STRBP: variants seen among roughly 807,000 people sequenced by gnomAD.
The protein encoded by STRBP is spermatid perinuclear RNA binding protein.
Under a neutral mutation model 80.1 loss-of-function variants are expected in STRBP, and 13 were observed. That is an observed-to-expected ratio of 0.16 (90% confidence interval 0.11 to 0.26). STRBP has a LOEUF of 0.26. Among genes scored for constraint, STRBP ranks in the 10% least tolerant of loss-of-function variants. The pLI, the probability that STRBP is intolerant of heterozygous loss-of-function variation, is 1.00. For synonymous variants in STRBP, 284 were observed against 291.2 expected (o/e 0.98, Z 0.25); for missense variants, 485 against 815.2 (o/e 0.59, Z 4.93).
At chr9:123,217,990 G>A (rs1335087602) in intron 2 of STRBP, among the ~76,000 whole-genome samples, 1 of 152,154 alleles carries the variant, frequency 6.6e-6, no homozygotes, top group Non-Finnish European at 1.5e-5. Context: ...TACGGTGGAA[G>A]CTTAGTTAGC....
intron 2 of STRBP, among the ~76,000 whole-genome samples, chr9:123,211,054 A>C (rs2039691005): frequency 6.6e-6 from 1 of 152,214 alleles, no homozygotes; most frequent in Non-Finnish European, 1.5e-5. Context: ...CACTAAGAGA[A>C]ACTCACACAT....
chr9:123,181,972 T>C (rs2038484614), intron 3 of STRBP, among the ~76,000 whole-genome samples: 2 of 151,752 alleles, frequency 1.3e-5, no homozygotes, highest in Admixed American at 1.3e-4. Flanking sequence ...TCCCAACACT[T>C]TGGCTCACGA....
rs2035796024 is a variant in STRBP at position 123,123,527 on chromosome 9, A to G, written c.*2070T>C. 2.1e-5 allele frequency: 18 copies of G among 854,938 alleles called. No individual in the cohort carries two copies. In the South Asian group the frequency reaches 3.6e-4, roughly 17 times the overall value. 53.0% of individuals were successfully genotyped at this position (854,938 alleles called of 1,614,324 possible). On this transcript the variant is annotated 3_prime_UTR_variant, in exon 19 of 19. Coordinates refer to ENST00000348403, the MANE Select transcript of STRBP (RefSeq NM_018387.5). ...TGGTTAGTAACTTCCAACAAACAAC[A>G]AAATTAAAAAAAAAAAAAAAAGACT...
chr9:123,184,298 C>CCCGCGCCGCCGCGCT lies in STRBP; in HGVS notation c.-164-1_-164insAGCGCGGCGGCGCGG. The CCCGCGCCGCCGCGCT allele has an allele frequency of 1.9e-6, 1 of 527,636 alleles. No homozygotes were observed. The highest frequency in any genetic ancestry group is 3.3e-6 in the Non-Finnish European group (1 of 307,342). 32.7% of individuals were successfully genotyped at this position (527,636 alleles called of 1,614,324 possible). ...CTGAAGGCTTGTTCTCTGGAACACACCTGCAAGAGAAGAGGAAAACAACTT... is the reference window on the plus strand; with the variant it reads ...CTGAAGGCTTGTTCTCTGGAACACACCCGCGCCGCCGCGCTCTGCAAGAGAAGAGGAAAACAACTT... On this transcript the variant is annotated splice_region_variant and 5_prime_UTR_variant. Coordinates refer to ENST00000348403, the MANE Select transcript of STRBP (RefSeq NM_018387.5).
At chr9:123,151,361 T>A (rs1474977754) in intron 11 of STRBP, among the ~76,000 whole-genome samples, 1 of 151,786 alleles carries the variant, frequency 6.6e-6, no homozygotes, top group Non-Finnish European at 1.5e-5. Flanking sequence ...TGACATGACC[T>A]AACACGAAAA....
intron 2 of STRBP, among the ~76,000 whole-genome samples, chr9:123,197,599 C>G (rs1000710171): frequency 4.6e-5 from 7 of 151,804 alleles, no homozygotes; most frequent in Non-Finnish European, 1.0e-4. Flanking sequence ...GCTTGGCTTT[C>G]CACTCCTGTG....
chr9:123,115,993 C>T lies in STRBP; in HGVS notation c.*20G>A, dbSNP rs1168633759. 2.2e-6 allele frequency: 1 copy of T among 456,134 alleles called. No homozygotes were observed. Among genetic ancestry groups the T allele is most frequent in the Non-Finnish European group, 4.4e-6 (1 of 226,958 alleles). 28.3% of individuals were successfully genotyped at this position (456,134 alleles called of 1,614,324 possible). On this transcript the variant is annotated 3_prime_UTR_variant and NMD_transcript_variant, in exon 3 of 4. Coordinates refer to the STRBP transcript ENST00000471564. This position sits in a 1 kb window ranked among gnomAD's most constrained non-coding sequence, Gnocchi z 5.0. ...ACCAGCCTTAACCTTCTGGTCCTTCCATCTCATTTCAAGGTGCTTTCAGCT... is the reference window on the plus strand; with the variant it reads ...ACCAGCCTTAACCTTCTGGTCCTTCTATCTCATTTCAAGGTGCTTTCAGCT...
intron 1 of STRBP, among the ~76,000 whole-genome samples, chr9:123,242,132 T>G (rs976012499): frequency 1.3e-5 from 2 of 152,254 alleles, no homozygotes; most frequent in Non-Finnish European, 2.9e-5. Flanking sequence ...ATGAGATTTC[T>G]TCAGAGGCCT....
chr9:123,154,173 A>G (rs1394082372), intron 11 of STRBP, among the ~76,000 whole-genome samples: 1 of 152,218 alleles, frequency 6.6e-6, no homozygotes, highest in African/African-American at 2.4e-5. Context: ...CAACACGGTA[A>G]GTGGTTGTCA....
chr9:123,178,997 C>CCACA lies in STRBP; in HGVS notation c.224+6_224+9dup. 6.2e-7 allele frequency: 1 copy of CCACA among 1,613,742 alleles called. No homozygotes were observed. The highest frequency in any genetic ancestry group is 1.1e-5 in the South Asian group (1 of 91,028). On this transcript the variant is annotated intron_variant, in intron 4 of 18. Coordinates refer to ENST00000348403, the MANE Select transcript of STRBP (RefSeq NM_018387.5). ...CTAGCACAGCGTCCCAGAGGTCAGTCCACACTCACTTGGAATAGTTTTCTC... is the reference window on the plus strand; with the variant it reads ...CTAGCACAGCGTCCCAGAGGTCAGTCCACACACACTCACTTGGAATAGTTTTCTC...
chr9:123,153,853 T>C (rs1488894034), intron 11 of STRBP, among the ~76,000 whole-genome samples: 1 of 152,136 alleles, frequency 6.6e-6, no homozygotes, highest in Non-Finnish European at 1.5e-5. Context: ...AAAGCATCAG[T>C]GTAAAGAGAA....
At chr9:123,244,636 C>CA (rs2040763142) in intron 1 of STRBP, among the ~76,000 whole-genome samples, 1 of 152,100 alleles carries the variant, frequency 6.6e-6, no homozygotes, top group Non-Finnish European at 1.5e-5. Context: ...TAATCTTTCT[C>CA]AAAAAATAGT....
intron 2 of STRBP, among the ~76,000 whole-genome samples, chr9:123,208,279 C>A (rs1348018575): frequency 6.6e-6 from 1 of 152,124 alleles, no homozygotes; most frequent in Non-Finnish European, 1.5e-5. Context: ...CCAAAACATT[C>A]TAATTTTAAC....
At chr9:123,233,621 G>C (rs1041733178) in intron 2 of STRBP, among the ~76,000 whole-genome samples, 2 of 152,168 alleles carry the variant, frequency 1.3e-5, no homozygotes, top group African/African-American at 4.8e-5. Flanking sequence ...AATATATGGA[G>C]GTTCACTATA....
chr9:123,135,855 G>A, intron 16 of STRBP, 186 bp downstream of exon 16: 2 of 594,828 alleles, frequency 3.4e-6, no homozygotes, highest in Non-Finnish European at 5.7e-6. Context: ...TGTTTAGAAA[G>A]TCCATAGAAC....
chr9:123,115,159 G>T lies in STRBP; in HGVS notation c.*84+770C>A. 2 of 465,718 alleles carry T rather than the reference G, an allele frequency of 4.3e-6. No individual in the cohort carries two copies. Among genetic ancestry groups the T allele is most frequent in the Non-Finnish European group, 9.0e-6 (2 of 223,282 alleles). The allele number at this position is 465,718 out of a possible 1,614,324, so 28.8% of individuals were successfully genotyped here. A position where few individuals can be genotyped will look rare whatever the true frequency, so the allele number is the denominator to read the frequency against. On this transcript the variant is annotated intron_variant and NMD_transcript_variant, in intron 3 of 3. Transcript: ENST00000471564. The surrounding 1 kb of genome is among the most constrained non-coding windows in gnomAD (Gnocchi z 5.0). ...CCACTTGACTCTGCTCATCCTCTCGGGTCCCACAGCAAGGCCCTTCACACT... is the reference window on the plus strand; with the variant it reads ...CCACTTGACTCTGCTCATCCTCTCGTGTCCCACAGCAAGGCCCTTCACACT...
intron 1 of STRBP, among the ~76,000 whole-genome samples, chr9:123,246,788 T>A (rs1471175729): frequency 6.6e-6 from 1 of 152,096 alleles, no homozygotes; most frequent in African/African-American, 2.4e-5. Context: ...ACAAACAAAT[T>A]TTTTCCCCTC....
At chr9:123,227,588 T>C (rs2040280057) in intron 2 of STRBP, among the ~76,000 whole-genome samples, 2 of 144,090 alleles carry the variant, frequency 1.4e-5, no homozygotes, top group South Asian at 4.5e-4. Context: ...TTTTTTGAGA[T>C]AGAGTCTCAC....
At chr9:123,236,595 C>T (rs1021493119) in intron 2 of STRBP, among the ~76,000 whole-genome samples, 2 of 150,990 alleles carry the variant, frequency 1.3e-5, no homozygotes, top group Non-Finnish European at 2.9e-5. Flanking sequence ...TGATATTAGA[C>T]ACCCTAAGAA....
Sources: allele counts gnomAD v4.1 joint callset (sites outside exome capture counted in the v4.1 genomes callset), GRCh38; gene constraint gnomAD v4.1.1; non-coding constraint Gnocchi (gnomAD v3.1); transcripts MANE v1.5; gene names NCBI Gene and HGNC (gene_info 2026-07-23, HGNC 2026-07-21).